MANSC1: variants seen among roughly 807,000 people sequenced by gnomAD.
MANSC1 encodes MANSC domain-containing protein 1.
In MANSC1, 13 loss-of-function variants were observed where a neutral mutation model predicts 14.1. The ratio of observed to expected loss-of-function variants is 0.92; its 90% CI spans 0.60 to 1.46. MANSC1 has a LOEUF of 1.46. MANSC1 is among the 40% of genes most tolerant of loss of function. The pLI is 0.00. For synonymous variants in MANSC1, 227 were observed against 200.7 expected (o/e 1.13, Z -1.11); for missense variants, 486 against 511.4 (o/e 0.95, Z 0.48).
intron 1 of MANSC1, among the ~76,000 whole-genome samples, chr12:12,347,334 C>A (rs1418337442): frequency 1.3e-5 from 2 of 152,138 alleles, no homozygotes; most frequent in Non-Finnish European, 2.9e-5. Flanking sequence ...CAGTTCACAA[C>A]AGGGTTCGTG....
At chr12:12,345,594 T>C (rs769147119) in intron 1 of MANSC1, among the ~76,000 whole-genome samples, 12 of 152,102 alleles carry the variant, frequency 7.9e-5, no homozygotes, top group Non-Finnish European at 1.3e-4. Context: ...TTAGGAAAAA[T>C]AAATGTTAAA....
At chr12:12,341,396 G>A (rs1485318361) in intron 2 of MANSC1, among the ~76,000 whole-genome samples, 1 of 152,094 alleles carries the variant, frequency 6.6e-6, no homozygotes, top group African/African-American at 2.4e-5. Flanking sequence ...GATGCTTCCC[G>A]ATCATCTAGG....
chr12:12,349,787 TTGAGGAAATGCA>T (rs1592040212), intron 1 of MANSC1, among the ~76,000 whole-genome samples: 4 of 152,216 alleles, frequency 2.6e-5, no homozygotes, highest in Admixed American at 2.0e-4. Context: ...TTCTCTTCCT[TTGAGGAAATGCA>T]TGTTGCCTAC....
In MANSC1 at chr12:12,330,273, A is replaced by G. The variant is rs1348791982; in HGVS notation, c.1050T>C (p.Thr350=). 2 of 1,614,226 alleles carry G rather than the reference A, an allele frequency of 1.2e-6. No individual in the cohort carries two copies. The highest frequency in any genetic ancestry group is 1.1e-5 in the South Asian group (1 of 91,090). Residue 350 remains threonine (T), a synonymous_variant, in exon 4 of 4, where the codon ACT becomes ACC. Coordinates refer to ENST00000535902, the MANE Select transcript of MANSC1 (RefSeq NM_018050.4). ...ALSMSNVESS[T]MNKTASWEGR... ...CTTCCCAGGAAGCAGTTTTATTCAT[A>G]GTGGAAGACTCCACATTTGACATAG... is the stretch of plus-strand genomic sequence containing the variant.
chr12:12,346,510 A>G (rs1863012006), intron 1 of MANSC1, among the ~76,000 whole-genome samples: 1 of 152,244 alleles, frequency 6.6e-6, no homozygotes, highest in African/African-American at 2.4e-5. Flanking sequence ...TAGAAAAAGA[A>G]TAGACAAACA....
At chr12:12,342,580 TTTTG>T (rs149540577) in intron 2 of MANSC1, among the ~76,000 whole-genome samples, 22,250 of 81,210 alleles carry the variant, frequency 0.27, 2,489 homozygotes, top group East Asian at 0.45. Flanking sequence ...GTCAGTGTTT[TTTTG>T]TTTTTTTTTT....
chr12:12,347,350 A>C (rs368834002), intron 1 of MANSC1, among the ~76,000 whole-genome samples: 2 of 152,100 alleles, frequency 1.3e-5, no homozygotes, highest in Admixed American at 1.3e-4. Context: ...TCGTGCGCCG[A>C]TGAGAATCTA....
intron 2 of MANSC1, among the ~76,000 whole-genome samples, chr12:12,342,037 A>C (rs1359968046): frequency 1.3e-5 from 2 of 152,154 alleles, no homozygotes; most frequent in East Asian, 3.9e-4. Context: ...TCAACCCCCT[A>C]GGATCAAGTG....
chr12:12,347,188 A>G (rs1349900556), intron 1 of MANSC1, among the ~76,000 whole-genome samples: 1 of 152,170 alleles, frequency 6.6e-6, no homozygotes, highest in Non-Finnish European at 1.5e-5. Flanking sequence ...AACTCAACAT[A>G]ATGTAGAATC....
At chr12:12,343,713 T>C (rs764874077) in intron 1 of MANSC1, among the ~76,000 whole-genome samples, 1 of 152,172 alleles carries the variant, frequency 6.6e-6, no homozygotes, top group Non-Finnish European at 1.5e-5. Context: ...CCTTCCCTCT[T>C]CTAACTCAGA....
intron 1 of MANSC1, among the ~76,000 whole-genome samples, chr12:12,346,767 A>G (rs945920851): frequency 3.9e-5 from 6 of 152,210 alleles, no homozygotes; most frequent in African/African-American, 1.4e-4. Context: ...AAACCATAAA[A>G]TTTCTAGAAA....
chr12:12,339,080 G>C (rs76522265), intron 2 of MANSC1: 6,227 of 162,726 alleles, frequency 0.038, 170 homozygotes, highest in Non-Finnish European at 0.053. Flanking sequence ...ACCACACACT[G>C]GTGTTCACTG....
chr12:12,330,105 T>C lies in MANSC1; in HGVS notation c.1218A>G (p.Arg406=). Residue 406 remains arginine (R), a synonymous_variant, in exon 4 of 4, where the codon AGA becomes AGG. Transcript: ENST00000535902. The stretch of plus-strand genomic sequence containing the variant: ...TCCTGCGGAGTGATTCCGAGAGGAT[T>C]CTACCCAGGAGGACGAGGCCTATCA... The part of the protein sequence containing the change: ...FLVIGLVLLG[R]ILSESLRRKR... The C allele has an allele frequency of 6.2e-7, 1 of 1,614,090 alleles. No homozygotes were observed. Among genetic ancestry groups the C allele is most frequent in the Non-Finnish European group, 8.5e-7 (1 of 1,180,006 alleles).
intron 1 of MANSC1, among the ~76,000 whole-genome samples, chr12:12,346,411 C>G (rs1348655763): frequency 1.3e-5 from 2 of 152,140 alleles, no homozygotes; most frequent in Non-Finnish European, 2.9e-5. Flanking sequence ...CAAGAACAGT[C>G]CAGAATACTA....
chr12:12,337,260 G>A (rs1282921617), intron 3 of MANSC1, among the ~76,000 whole-genome samples: 1 of 151,458 alleles, frequency 6.6e-6, no homozygotes, highest in Non-Finnish European at 1.5e-5. Context: ...CTGGGCGACA[G>A]AGTGAGACTC....
chr12:12,330,274 G>A lies in MANSC1; in HGVS notation c.1049C>T (p.Thr350Ile), dbSNP rs754057612. The part of the protein sequence containing the change: ...ALSMSNVESS[T>I]MNKTASWEGR... ...TTCCCAGGAAGCAGTTTTATTCATA[G>A]TGGAAGACTCCACATTTGACATAGA... The change falls in exon 4 of 4, where the codon ACT becomes ATT. Residue 350 changes from threonine to isoleucine, a missense_variant. Physicochemically the swap from Thr to Ile is moderately conservative, Grantham distance 89. Transcript: ENST00000535902. The A allele has an allele frequency of 6.2e-7, 1 of 1,614,094 alleles. No homozygotes were observed. The highest frequency in any genetic ancestry group is 1.3e-5 in the African/African-American group (1 of 74,942).
At chr12:12,343,506 T>G in intron 1 of MANSC1, 92 bp from the exon 2 acceptor site, 1 of 551,616 alleles carries the variant, frequency 1.8e-6, no homozygotes, top group East Asian at 2.9e-5. Flanking sequence ...ATGAAAAGGA[T>G]CCACATACAA....
chr12:12,344,914 CCCATATATAT>C (rs1347128603), intron 1 of MANSC1, among the ~76,000 whole-genome samples: 5 of 49,326 alleles, frequency 1.0e-4, no homozygotes, highest in Admixed American at 2.8e-4. Flanking sequence ...TTAATAAACT[CCCATATATAT>C]ATATATATAT....
chr12:12,346,585 A>G (rs1863012830), intron 1 of MANSC1, among the ~76,000 whole-genome samples: 1 of 152,260 alleles, frequency 6.6e-6, no homozygotes, highest in Non-Finnish European at 1.5e-5. Context: ...CTGATCTTTG[A>G]CAAAGGAGCA....
Sources: gnomAD v4.1 joint callset for allele counts (sites outside exome capture counted in the v4.1 genomes callset) on GRCh38, gnomAD v4.1.1 for gene constraint, MANE v1.5 for transcripts, NCBI Gene and HGNC (gene_info 2026-07-23, HGNC 2026-07-21) for gene names.